OVCH1: variants seen among roughly 807,000 people sequenced by gnomAD.
OVCH1 encodes ovochymase 1.
A neutral mutation model predicts 138.4 loss-of-function variants in OVCH1; 139 were observed. The ratio of observed to expected loss-of-function variants is 1.00; its 90% CI spans 0.87 to 1.16. OVCH1 has a LOEUF of 1.16. OVCH1 is among the 50% of genes most tolerant of loss of function. The pLI, the probability that OVCH1 is intolerant of heterozygous loss-of-function variation, is 0.00. For missense variants in OVCH1, 1,367 were observed against 1,357.9 expected (o/e 1.01, Z -0.11); for synonymous variants, 453 against 467.8 (o/e 0.97, Z 0.41).
chr12:29,493,718 T>C (rs1943335703), intron 4 of OVCH1, among the ~76,000 whole-genome samples: 1 of 152,224 alleles, frequency 6.6e-6, no homozygotes, highest in Admixed American at 6.5e-5. Flanking sequence ...TAATAGTTTC[T>C]TGTGGTTCAA....
intron 21 of OVCH1, among the ~76,000 whole-genome samples, chr12:29,452,841 GC>G (rs1484050947): frequency 6.6e-6 from 1 of 152,150 alleles, no homozygotes; most frequent in Admixed American, 6.6e-5. Context: ...GTTAAATATG[GC>G]ATGGTCCTAA....
intron 19 of OVCH1, among the ~76,000 whole-genome samples, chr12:29,458,735 C>T (rs1228202445): frequency 6.6e-6 from 1 of 152,024 alleles, no homozygotes; most frequent in African/African-American, 2.4e-5. Context: ...TGCAAACTAC[C>T]CATCTGATGT....
chr12:29,468,334 A>G (rs1592079961), intron 16 of OVCH1, among the ~76,000 whole-genome samples: 1 of 152,178 alleles, frequency 6.6e-6, no homozygotes, highest in Non-Finnish European at 1.5e-5. Flanking sequence ...GAAGTCAAAA[A>G]TGAAATTAAA....
exon 23 of OVCH1, chr12:29,445,344 T>C (rs773551680): frequency 1.2e-6 from 2 of 1,611,498 alleles, no homozygotes; most frequent in Admixed American, 1.7e-5. Flanking sequence ...AATGTCACCC[T>C]CACCAGCGGT....
chr12:29,445,460 C>T, intron 22 of OVCH1, 57 bp from the exon 23 acceptor site: 3 of 1,509,620 alleles, frequency 2.0e-6, no homozygotes, highest in Non-Finnish European at 2.7e-6. Context: ...ACAGCAGTTT[C>T]TGTATTTTAG....
At chr12:29,419,727 G>T (rs1208461961) in intron 3 of OVCH1, among the ~76,000 whole-genome samples, 8 of 152,126 alleles carry the variant, frequency 5.3e-5, no homozygotes, top group Non-Finnish European at 8.8e-5. Context: ...TTTACTCCCT[G>T]TAAAATGGTT....
intron 27 of OVCH1, among the ~76,000 whole-genome samples, chr12:29,433,365 T>C (rs1235035357): frequency 1.3e-5 from 2 of 152,286 alleles, no homozygotes; most frequent in South Asian, 2.1e-4. Context: ...CACGCTCTCT[T>C]GCCTGCTGCC....
chr12:29,443,335 A>C, intron 25 of OVCH1, 26 bp downstream of exon 25: 5 of 1,604,376 alleles, frequency 3.1e-6, no homozygotes, highest in Non-Finnish European at 3.4e-6. Flanking sequence ...AATCAGTAGC[A>C]TAGAGATTCA....
chr12:29,491,205 C>G lies in OVCH1; in HGVS notation c.455-13G>C. ...TGAACAGCATTTCCTGAGAAAACAA[C>G]AAAGGCATGAGGTTCATGGATAAAT... On this transcript the variant is annotated splice_polypyrimidine_tract_variant and intron_variant, in intron 4 of 27. Transcript: ENST00000318184. 1 of 1,604,006 alleles carries G rather than the reference C, an allele frequency of 6.2e-7. No homozygotes were observed. The highest frequency in any genetic ancestry group is 1.3e-5 in the African/African-American group (1 of 74,724).
chr12:29,409,370 T>G (rs1402617634), downstream of OVCH1, among the ~76,000 whole-genome samples: 1 of 152,174 alleles, frequency 6.6e-6, no homozygotes, highest in Non-Finnish European at 1.5e-5. Context: ...TATTTGCTCT[T>G]ACTTTTCTAG....
chr12:29,458,886 G>T (rs1457079892), intron 19 of OVCH1, among the ~76,000 whole-genome samples: 1 of 152,084 alleles, frequency 6.6e-6, no homozygotes, highest in Non-Finnish European at 1.5e-5. Flanking sequence ...TATATGAAAA[G>T]GTGCTCAACA....
At chr12:29,428,349 A>C (rs1941213209) in intron 27 of OVCH1, among the ~76,000 whole-genome samples, 1 of 152,148 alleles carries the variant, frequency 6.6e-6, no homozygotes, top group Admixed American at 6.5e-5. Context: ...AATTACCCAA[A>C]GCTCTACCTC....
At chr12:29,445,159 C>T in intron 23 of OVCH1, 119 bp downstream of exon 23, 2 of 1,208,880 alleles carry the variant, frequency 1.7e-6, no homozygotes, top group South Asian at 1.7e-5. Context: ...CAAACATATA[C>T]TCATTTCCCC....
At chr12:29,440,778 A>T (rs1344988815) in intron 25 of OVCH1, 34 bp from the exon 26 acceptor site, 1 of 455,534 alleles carries the variant, frequency 2.2e-6, no homozygotes, top group Non-Finnish European at 4.4e-6. Flanking sequence ...TAATGCACTT[A>T]CTTCTAGGAT....
At chr12:29,496,142 G>T in intron 3 of OVCH1, 39 bp downstream of exon 3, 2 of 1,527,190 alleles carry the variant, frequency 1.3e-6, no homozygotes, top group South Asian at 2.4e-5. Context: ...GCATAGCCAG[G>T]AATCAAGGCC....
intron 26 of OVCH1, among the ~76,000 whole-genome samples, chr12:29,437,485 T>C (rs1941385871): frequency 6.6e-6 from 1 of 152,198 alleles, no homozygotes; most frequent in Admixed American, 6.5e-5. Flanking sequence ...ATAAGGGTGA[T>C]AATTTGCTTC....
the OVCH1 span, among the ~76,000 whole-genome samples, chr12:29,406,659 T>C: frequency 6.7e-6 from 1 of 149,062 alleles, no homozygotes; most frequent in African/African-American, 2.5e-5. Context: ...GGCTGCATAG[T>C]ATTCCATGGT....
At chr12:29,434,179 G>A (rs1238000953) in intron 26 of OVCH1, among the ~76,000 whole-genome samples, 1 of 152,080 alleles carries the variant, frequency 6.6e-6, no homozygotes, top group Admixed American at 6.6e-5. Flanking sequence ...AAGAAAAAAA[G>A]GACAAATTAT....
At position 29,443,175 on chromosome 12, in the gene OVCH1, A is replaced by G. The variant is rs537232960; in HGVS notation, c.3157+186T>C. 9.2e-5 allele frequency among the ~76,000 whole-genome samples: 14 copies of G among 152,254 alleles called. No individual in the cohort carries two copies. In the South Asian group the frequency reaches 2.7e-3, roughly 29 times the overall value. On this transcript the variant is annotated intron_variant, in intron 25 of 27. Coordinates refer to ENST00000318184, the Ensembl canonical transcript of OVCH1. ...ACGTTGTTGGACTTTGTTTTTAACT[A>G]AACCTGAGGAGATTTTATATCTTAA... is the stretch of plus-strand genomic sequence containing the variant.
Sources: gnomAD v4.1 joint callset for allele counts (sites outside exome capture counted in the v4.1 genomes callset) on GRCh38, gnomAD v4.1.1 for gene constraint, MANE v1.5 for transcripts, NCBI Gene and HGNC (gene_info 2026-07-23, HGNC 2026-07-21) for gene names.